Variants in CD6 observed in about 807,000 individuals in gnomAD.
CD6 encodes T-cell differentiation antigen CD6.
CD6 carries 53 observed loss-of-function variants against 75.3 expected under a neutral mutation model. The ratio of observed to expected loss-of-function variants is 0.70; its 90% confidence interval spans 0.56 to 0.88. The LOEUF (loss-of-function observed/expected upper bound fraction) is 0.88, where lower values mean the gene tolerates loss of function less well. Ranked by LOEUF, CD6 falls within the 40% of genes least tolerant of loss-of-function variation. CD6 has a pLI of 0.00. For synonymous variants in CD6, 359 were observed against 381.5 expected (o/e 0.94, Z 0.69); for missense variants, 770 against 897.1 (o/e 0.86, Z 1.81).
chr11:61,010,842 C>T (rs1194396158), intron 5 of CD6, among the ~76,000 whole-genome samples: 1 of 151,538 alleles, frequency 6.6e-6, no homozygotes, highest in Admixed American at 6.6e-5. Flanking sequence ...TCTATTAGCC[C>T]TTTATTTTAA....
chr11:60,991,139 C>T (rs866619337), intron 1 of CD6, among the ~76,000 whole-genome samples: 1,393 of 122,950 alleles, frequency 0.011, 20 homozygotes, highest in African/African-American at 0.041. Context: ...CTTTTCTTTT[C>T]TTTTTCTTTC....
At chr11:61,002,985 G>A (rs1858668298) in intron 1 of CD6, among the ~76,000 whole-genome samples, 1 of 98,460 alleles carries the variant, frequency 1.0e-5, no homozygotes, top group Non-Finnish European at 2.4e-5. Flanking sequence ...TCTTTTTTGA[G>A]ACACAGTCTC....
chr11:60,987,244 C>T (rs1163900794), intron 1 of CD6, among the ~76,000 whole-genome samples: 2 of 152,210 alleles, frequency 1.3e-5, no homozygotes, highest in Non-Finnish European at 2.9e-5. Context: ...TGGTGGCTTG[C>T]TGGCAATCTT....
chr11:61,000,428 C>T (rs1271239581), intron 1 of CD6, among the ~76,000 whole-genome samples: 2 of 152,198 alleles, frequency 1.3e-5, no homozygotes, highest in South Asian at 2.1e-4. Flanking sequence ...TGGCTCTGTA[C>T]AGCATCTCTT....
rs1401927466 is a variant in CD6, at chr11:61,008,664, G to A, written c.600G>A (p.Arg200=). 1 of 1,608,298 alleles carries A rather than the reference G, an allele frequency of 6.2e-7. No individual in the cohort carries two copies. The highest frequency in any genetic ancestry group is 1.1e-5 in the South Asian group (1 of 90,168). ...TGGAGGACGCCCACGTGGTGTGCAG[G>A]CAACTGGGCTGCGGCTGGGCAGTCC... ...WDLEDAHVVC[R]QLGCGWAVQA... Residue 200 remains arginine, a synonymous_variant, in exon 4 of 13, where the codon AGG becomes AGA. Coordinates refer to ENST00000313421, the MANE Select transcript of CD6 (RefSeq NM_006725.5).
intron 8 of CD6, 88 bp downstream of exon 8, chr11:61,014,102 G>A (rs1859291304): frequency 1.1e-6 from 1 of 921,782 alleles, no homozygotes; most frequent in Non-Finnish European, 1.7e-6. Flanking sequence ...TTAGGTCCAA[G>A]ACGTACACAC....
chr11:60,982,585 C>T (rs937869761), intron 1 of CD6: 6 of 455,964 alleles, frequency 1.3e-5, no homozygotes, highest in Middle Eastern at 3.2e-4. Context: ...ATTTGGTGTG[C>T]TCTCGTTTTG....
Position 60,975,097 on chromosome 11 carries a change from T to C in CD6, c.49+3183T>C, listed in dbSNP as rs1316813925. The stretch of plus-strand genomic sequence containing the variant: ...CAATTTTTTAATAATTTGTTTTTTC[T>C]TAACTTGTGAGTTCAACATACTAAT... On this transcript the variant is annotated intron_variant, in intron 1 of 12. Transcript: ENST00000313421. Among the ~76,000 whole-genome samples, 3 of 137,674 alleles carry C rather than the reference T, an allele frequency of 2.2e-5. 1 individual carries two copies. The Admixed American group carries it at 2.3e-4, about 11-fold the overall frequency. 90.3% of individuals were successfully genotyped at this position (137,674 alleles called of 152,430 possible).
At chr11:61,012,808 G>A (rs918356131) in intron 6 of CD6, among the ~76,000 whole-genome samples, 1 of 152,226 alleles carries the variant, frequency 6.6e-6, no homozygotes, top group African/African-American at 2.4e-5. Context: ...TCATGGAGGG[G>A]ATGTCTGGTG....
chr11:60,994,657 C>G (rs1424700973), intron 1 of CD6, among the ~76,000 whole-genome samples: 1 of 152,088 alleles, frequency 6.6e-6, no homozygotes, highest in African/African-American at 2.4e-5. Flanking sequence ...AATACTCACT[C>G]TCTTTCTCTT....
chr11:60,981,395 C>A (rs980901238), intron 1 of CD6, among the ~76,000 whole-genome samples: 1 of 152,194 alleles, frequency 6.6e-6, no homozygotes, highest in Non-Finnish European at 1.5e-5. Flanking sequence ...GACCCCTCCC[C>A]ACTCAAGACT....
At chr11:60,988,186 A>G (rs765701171) in intron 1 of CD6, among the ~76,000 whole-genome samples, 2 of 152,190 alleles carry the variant, frequency 1.3e-5, no homozygotes, top group Admixed American at 6.5e-5. Flanking sequence ...TCTCATCTGG[A>G]ACACTGAGCC....
At chr11:60,980,858 A>ATTAG (rs1174524307) in intron 1 of CD6, among the ~76,000 whole-genome samples, 1 of 152,108 alleles carries the variant, frequency 6.6e-6, no homozygotes. Context: ...TAATTAATTA[A>ATTAG]TTAAATTGAA....
intron 1 of CD6, among the ~76,000 whole-genome samples, chr11:61,003,897 G>A (rs568075680): frequency 6.6e-6 from 1 of 151,926 alleles, no homozygotes; most frequent in Non-Finnish European, 1.5e-5. Flanking sequence ...TTGGGATAGG[G>A]GATGGGAGAA....
intron 9 of CD6, chr11:61,017,167 G>A (rs925113514): frequency 2.7e-6 from 1 of 368,888 alleles, no homozygotes; most frequent in Non-Finnish European, 5.1e-6. Context: ...CCTGCCCAGA[G>A]CTGCCAGGTC....
At chr11:60,976,724 G>C (rs1857377619) in intron 1 of CD6, among the ~76,000 whole-genome samples, 1 of 152,172 alleles carries the variant, frequency 6.6e-6, no homozygotes, top group South Asian at 2.1e-4. Context: ...GTTGCTGATG[G>C]ATGCGCTTGT....
intron 1 of CD6, among the ~76,000 whole-genome samples, chr11:60,990,907 C>T (rs1265999192): frequency 6.6e-6 from 1 of 151,862 alleles, no homozygotes; most frequent in Admixed American, 6.6e-5. Flanking sequence ...AATAATCCAG[C>T]CTATGATACA....
chr11:61,018,311 C>T lies in CD6; in HGVS notation c.1860C>T (p.Ser620=), dbSNP rs765440697. ...AFSAGPPADD[S]SSTSSGEWYQ... ...CAGCAGGGCCCCCGGCTGATGACAG[C>T]TCCAGCACCTCATCCGGGGAGTGGT... is the stretch of plus-strand genomic sequence containing the variant. Residue 620 remains serine (S), a synonymous_variant, in exon 12 of 13, where the codon AGC becomes AGT. Transcript: ENST00000313421. The T allele has an allele frequency of 1.2e-5, 19 of 1,606,766 alleles. No individual in the cohort carries two copies. Among genetic ancestry groups the T allele is most frequent in the East Asian group, 2.2e-5 (1 of 44,692 alleles).
intron 8 of CD6, among the ~76,000 whole-genome samples, chr11:61,014,309 G>T (rs2134488711): frequency 6.6e-6 from 1 of 152,328 alleles, no homozygotes. Flanking sequence ...GTTCTGCTTT[G>T]CTCTGCTAGT....
Sources: allele counts gnomAD v4.1 joint callset (sites outside exome capture counted in the v4.1 genomes callset), GRCh38; gene constraint gnomAD v4.1.1; transcripts MANE v1.5; gene names NCBI Gene and HGNC (gene_info 2026-07-23, HGNC 2026-07-21).